WDPCP: variants seen among roughly 807,000 people sequenced by gnomAD.
The protein encoded by WDPCP is WD repeat-containing and planar cell polarity effector protein fritz homolog.
In WDPCP, 71 loss-of-function variants were observed where a neutral mutation model predicts 93.1. The observed-to-expected ratio is 0.76, with a 90% CI of 0.63 to 0.93. The LOEUF (loss-of-function observed/expected upper bound fraction) is 0.93, where lower values mean the gene tolerates loss of function less well. Ranked by LOEUF, WDPCP falls within the 40% of genes least tolerant of loss-of-function variation. The probability of loss-of-function intolerance (pLI) is 0.00; values close to 1 mark genes in which losing one functional copy is unlikely to be tolerated. For synonymous variants in WDPCP, 315 were observed against 315.0 expected (o/e 1.00, Z 0.00); for missense variants, 844 against 887.4 (o/e 0.95, Z 0.62).
At chr2:63,650,146 T>C (rs534775842) in intron 3 of WDPCP, among the ~76,000 whole-genome samples, 2 of 152,330 alleles carry the variant, frequency 1.3e-5, no homozygotes, top group South Asian at 2.1e-4. Flanking sequence ...TTGCTCAAGA[T>C]GGAATGACAT....
At chr2:63,437,362 G>T in intron 8 of WDPCP, 59 bp downstream of exon 8, 1 of 1,316,752 alleles carries the variant, frequency 7.6e-7, no homozygotes, top group Non-Finnish European at 1.0e-6. Context: ...ACCAACTTAT[G>T]TGATACTCTC....
At chr2:63,515,887 G>T (rs1284301176) in intron 1 of WDPCP, among the ~76,000 whole-genome samples, 2 of 152,028 alleles carry the variant, frequency 1.3e-5, no homozygotes, top group Middle Eastern at 3.2e-3. Flanking sequence ...GGGCGTGGTG[G>T]TGCACGTCTG....
At chr2:63,480,751 A>T (rs1051779117) in intron 6 of WDPCP, among the ~76,000 whole-genome samples, 1 of 152,202 alleles carries the variant, frequency 6.6e-6, no homozygotes, top group East Asian at 1.9e-4. Flanking sequence ...TGGATTAAGG[A>T]CTTACACCTA....
chr2:63,339,090 A>T (rs1449222668), intron 12 of WDPCP, among the ~76,000 whole-genome samples: 2 of 151,548 alleles, frequency 1.3e-5, no homozygotes, highest in Non-Finnish European at 2.9e-5. Flanking sequence ...CAGAACTTTC[A>T]CTTCTTTGGT....
chr2:63,299,035 G>T (rs929807739), intron 13 of WDPCP, among the ~76,000 whole-genome samples: 1 of 152,308 alleles, frequency 6.6e-6, no homozygotes, highest in East Asian at 1.9e-4. Flanking sequence ...TTTCCAGGTG[G>T]TGTAGATGCA....
Position 63,433,761 on chromosome 2 carries a change from G to A in WDPCP, c.809C>T (p.Ala270Val). Residue 270 changes from alanine to valine, a missense_variant, in exon 9 of 18, where the codon GCT becomes GTT. Transcript: ENST00000272321. ...DRANLLLLGY[A>V]QGRLEVLSSV... ...TAGATTTACCTCTAGTCTTCCTTGA[G>A]CATAACCCAGGAGGAGTAGATTGGC... 6.2e-7 allele frequency: 1 copy of A among 1,613,104 alleles called. No individual in the cohort carries two copies. Among genetic ancestry groups the A allele is most frequent in the Non-Finnish European group, 8.5e-7 (1 of 1,179,530 alleles).
intron 1 of WDPCP, among the ~76,000 whole-genome samples, chr2:63,820,591 A>G (rs984169140): frequency 6.6e-6 from 1 of 152,200 alleles, no homozygotes; most frequent in East Asian, 1.9e-4. Flanking sequence ...TGCTAAGCAA[A>G]GTTCAGTCTG....
chr2:63,762,639 A>C (rs557210870), intron 2 of WDPCP, among the ~76,000 whole-genome samples: 1 of 152,342 alleles, frequency 6.6e-6, no homozygotes, highest in African/African-American at 2.4e-5. Flanking sequence ...AGGGTCCCGA[A>C]GGAGGTTATC....
chr2:63,404,241 T>C lies in WDPCP; in HGVS notation c.1242A>G (p.Gln414=), dbSNP rs774367862. The change falls in exon 10 of 18, where the codon CAA becomes CAG. Residue 414 remains glutamine (Q), a synonymous_variant. Transcript: ENST00000272321. ...TGGGTAAGCGGTCTTCAGCCAACAG[T>C]TGGATGTTAATAGGGGATAGAGCCA... ...FDMALSPINI[Q]LLAEDRLPRE... 1.9e-6 allele frequency: 3 copies of C among 1,613,488 alleles called. No individual in the cohort carries two copies. Among genetic ancestry groups the C allele is most frequent in the Admixed American group, 3.3e-5 (2 of 59,950 alleles).
intron 14 of WDPCP, among the ~76,000 whole-genome samples, chr2:63,219,799 G>T (rs1380301792): frequency 6.6e-6 from 1 of 152,106 alleles, no homozygotes; most frequent in Non-Finnish European, 1.5e-5. Flanking sequence ...AGGAGTTCGA[G>T]ACCAGCCTGG....
At chr2:63,667,267 C>T (rs1395157862) in intron 2 of WDPCP, among the ~76,000 whole-genome samples, 1 of 152,162 alleles carries the variant, frequency 6.6e-6, no homozygotes, top group Non-Finnish European at 1.5e-5. Context: ...TGTTCACACA[C>T]CCATTTATTC....
At chr2:63,256,810 T>C (rs1162233402) in intron 14 of WDPCP, among the ~76,000 whole-genome samples, 1 of 152,152 alleles carries the variant, frequency 6.6e-6, no homozygotes, top group Non-Finnish European at 1.5e-5. Context: ...TTCATAATGT[T>C]GAATAAAAGG....
chr2:63,793,936 G>T (rs1670579408), intron 2 of WDPCP, among the ~76,000 whole-genome samples: 2 of 151,010 alleles, frequency 1.3e-5, no homozygotes, highest in Non-Finnish European at 2.9e-5. Context: ...TAGAATGCAG[G>T]CAGGAAATTT....
intron 3 of WDPCP, among the ~76,000 whole-genome samples, chr2:63,629,509 T>G (rs573422577): frequency 3.4e-4 from 52 of 152,340 alleles, no homozygotes; most frequent in African/African-American, 1.2e-3. Context: ...CCCACCTACA[T>G]GCTATGTGGT....
Position 63,659,947 on chromosome 2 carries a change from A to C in WDPCP, n.309-9109T>G, listed in dbSNP as rs566090443. Among the ~76,000 whole-genome samples, 4 of 152,228 alleles carry C rather than the reference A, an allele frequency of 2.6e-5. No individual in the cohort carries two copies. The South Asian group carries it at 8.3e-4, about 32-fold the overall frequency. On this transcript the variant is annotated intron_variant and non_coding_transcript_variant, in intron 2 of 4. Coordinates refer to the WDPCP transcript ENST00000467687. ...TCCAATCATTTTAATAATCTTTGCA[A>C]AGATACAACTCTGGCCACAATTTGG...
intron 1 of WDPCP, among the ~76,000 whole-genome samples, chr2:63,496,259 T>C (rs1701215316): frequency 6.6e-6 from 1 of 152,200 alleles, no homozygotes; most frequent in Non-Finnish European, 1.5e-5. Context: ...AAGACAACAC[T>C]TGAAATTCTG....
At chr2:63,299,431 G>T (rs1231626338) in intron 13 of WDPCP, among the ~76,000 whole-genome samples, 1 of 152,168 alleles carries the variant, frequency 6.6e-6, no homozygotes, top group Non-Finnish European at 1.5e-5. Context: ...AAAAGGAAGG[G>T]ATTTGTGGAG....
intron 9 of WDPCP, among the ~76,000 whole-genome samples, chr2:63,422,370 A>G (rs948359617): frequency 6.6e-6 from 1 of 152,210 alleles, no homozygotes; most frequent in Non-Finnish European, 1.5e-5. Context: ...AATCAAATGT[A>G]TTAAAATTCA....
At chr2:63,569,138 T>G (rs1279766492) in intron 1 of WDPCP, among the ~76,000 whole-genome samples, 1 of 152,100 alleles carries the variant, frequency 6.6e-6, no homozygotes, top group Non-Finnish European at 1.5e-5. Flanking sequence ...CATAGATGAC[T>G]CTCAAAAACA....
Sources: gnomAD v4.1 joint callset for allele counts (sites outside exome capture counted in the v4.1 genomes callset) on GRCh38, gnomAD v4.1.1 for gene constraint, MANE v1.5 for transcripts, NCBI Gene and HGNC (gene_info 2026-07-23, HGNC 2026-07-21) for gene names.